Variants in SLC9D1 observed in about 807,000 individuals in gnomAD.
SLC9D1 encodes the protein putative LAG1-interacting protein.
At chr13:113,517,837 C>A in the SLC9D1 span, among the ~76,000 whole-genome samples, 99 of 149,476 alleles carry the variant, frequency 6.6e-4, no homozygotes, top group African/African-American at 2.1e-3. Context: ...CCCCACAGCA[C>A]GGGGTTTACA....
chr13:113,527,295 A>T, the SLC9D1 span: 1 of 152,056 alleles, frequency 6.6e-6, no homozygotes, highest in South Asian at 2.1e-4. Context: ...TGATGTTCCC[A>T]TCTATCTTCT....
chr13:113,525,811 C>T, the SLC9D1 span, among the ~76,000 whole-genome samples: 4 of 148,762 alleles, frequency 2.7e-5, no homozygotes, highest in African/African-American at 7.6e-5. Flanking sequence ...AAGCCATCGT[C>T]GTCGTAGGAG....
chr13:113,499,150 T>C, the SLC9D1 span, among the ~76,000 whole-genome samples: 2 of 152,190 alleles, frequency 1.3e-5, no homozygotes, highest in Admixed American at 6.5e-5. Context: ...TAAGTTGTCA[T>C]GGCGCGGGTG....
At chr13:113,499,581 CTG>C in the SLC9D1 span, among the ~76,000 whole-genome samples, 1 of 152,270 alleles carries the variant, frequency 6.6e-6, no homozygotes, top group East Asian at 1.9e-4. Context: ...CGAAAATTGA[CTG>C]TGGGTCTTGA....
At chr13:113,535,640 C>A in the SLC9D1 span, among the ~76,000 whole-genome samples, 18 of 152,362 alleles carry the variant, frequency 1.2e-4, no homozygotes, top group South Asian at 4.1e-4. The surrounding 1 kb of genome is among the most constrained non-coding windows in gnomAD (Gnocchi z 4.1). Context: ...CGGCACACAC[C>A]TCCGAGAACT....
the SLC9D1 span, chr13:113,501,729 T>G: frequency 6.3e-7 from 1 of 1,599,864 alleles, no homozygotes; most frequent in Admixed American, 1.7e-5. Flanking sequence ...ATACTTCTGT[T>G]TCTTATTTAT....
At chr13:113,497,036 G>A in the SLC9D1 span, among the ~76,000 whole-genome samples, 7 of 152,192 alleles carry the variant, frequency 4.6e-5, no homozygotes, top group Admixed American at 6.5e-5. Flanking sequence ...TCCAGGTGCC[G>A]GTGACCTGCA....
chr13:113,520,722 T>C, the SLC9D1 span: 1 of 1,611,222 alleles, frequency 6.2e-7, no homozygotes, highest in African/African-American at 1.3e-5. Context: ...CGGGCGCCAG[T>C]GCATCTTCTA....
At chr13:113,516,813 A>T in the SLC9D1 span, among the ~76,000 whole-genome samples, 1 of 152,186 alleles carries the variant, frequency 6.6e-6, no homozygotes. Flanking sequence ...TGCTGAAAAC[A>T]CATAGAAAGA....
the SLC9D1 span, chr13:113,500,082 A>G: frequency 6.3e-7 from 1 of 1,597,898 alleles, no homozygotes; most frequent in Non-Finnish European, 8.5e-7. Context: ...GACTCCCAGA[A>G]CAACCAGTAT....
chr13:113,503,058 G>A, the SLC9D1 span, among the ~76,000 whole-genome samples: 5 of 152,212 alleles, frequency 3.3e-5, no homozygotes, highest in South Asian at 2.1e-4. Flanking sequence ...TCTTTTTCAC[G>A]TGATTCAAGT....
At chr13:113,535,774 G>A in the SLC9D1 span, among the ~76,000 whole-genome samples, 1 of 152,322 alleles carries the variant, frequency 6.6e-6, no homozygotes, top group Non-Finnish European at 1.5e-5. This position sits in a 1 kb window ranked among gnomAD's most constrained non-coding sequence, Gnocchi z 4.1. Flanking sequence ...TTGAGGATGG[G>A]CAGTCTGGGG....
At chr13:113,526,809 C>T in the SLC9D1 span, among the ~76,000 whole-genome samples, 1 of 152,220 alleles carries the variant, frequency 6.6e-6, no homozygotes, top group Non-Finnish European at 1.5e-5. Flanking sequence ...ACCCTCACTC[C>T]CTGACTCACT....
chr13:113,509,962 A>G, the SLC9D1 span, among the ~76,000 whole-genome samples: 28,174 of 152,164 alleles, frequency 0.19, 3,441 homozygotes, highest in African/African-American at 0.35. Flanking sequence ...GAAAATGGTC[A>G]TCTTGAGCTC....
At chr13:113,502,824 C>T in the SLC9D1 span, among the ~76,000 whole-genome samples, 1 of 152,188 alleles carries the variant, frequency 6.6e-6, no homozygotes, top group Non-Finnish European at 1.5e-5. Context: ...TGGGACTAGG[C>T]CCAGGAGCCC....
the SLC9D1 span, chr13:113,498,336 G>A: frequency 6.6e-7 from 1 of 1,520,838 alleles, no homozygotes; most frequent in African/African-American, 1.4e-5. Flanking sequence ...TCTTACAAAT[G>A]AATAGGAAGA....
At chr13:113,508,435 C>G in the SLC9D1 span, among the ~76,000 whole-genome samples, 1 of 152,176 alleles carries the variant, frequency 6.6e-6, no homozygotes, top group Non-Finnish European at 1.5e-5. Flanking sequence ...GCTCTTCGGC[C>G]GTGATATTCG....
At chr13:113,524,171 G>A in the SLC9D1 span, 1 of 456,564 alleles carries the variant, frequency 2.2e-6, no homozygotes, top group South Asian at 1.5e-5. Context: ...TGTATCAGTT[G>A]TTGAGGGAGA....
At chr13:113,520,483 CAAAAA>C in the SLC9D1 span, 159 of 366,110 alleles carry the variant, frequency 4.3e-4, no homozygotes, top group South Asian at 6.8e-4. Flanking sequence ...AACTCCATCT[CAAAAA>C]AAAAAAAAAA....
Sources: gnomAD v4.1 joint callset for allele counts (sites outside exome capture counted in the v4.1 genomes callset) on GRCh38, gnomAD v4.1.1 for gene constraint, Gnocchi (gnomAD v3.1) non-coding constraint, MANE v1.5 for transcripts, NCBI Gene and HGNC (gene_info 2026-07-23, HGNC 2026-07-21) for gene names.